UST: variants seen among roughly 807,000 people sequenced by gnomAD.
UST encodes uronyl 2-sulfotransferase.
In UST, 21 loss-of-function variants were observed where a neutral mutation model predicts 45.6. The ratio of observed to expected loss-of-function variants is 0.46; its 90% CI spans 0.33 to 0.66. UST has a LOEUF of 0.66. Among genes scored for constraint, UST ranks in the 30% least tolerant of loss-of-function variants. The pLI, the probability that UST is intolerant of heterozygous loss-of-function variation, is 0.02. For missense variants in UST, 463 were observed against 512.4 expected (o/e 0.90, Z 0.93); for synonymous variants, 215 against 200.6 (o/e 1.07, Z -0.61).
At chr6:148,925,396 A>C (rs78809050) in intron 2 of UST, among the ~76,000 whole-genome samples, 2 of 152,206 alleles carry the variant, frequency 1.3e-5, no homozygotes, top group Non-Finnish European at 2.9e-5. Flanking sequence ...GGACGAATGC[A>C]GATGAAGGAC....
chr6:148,760,227 G>A (rs960132323), intron 1 of UST, among the ~76,000 whole-genome samples: 1 of 152,174 alleles, frequency 6.6e-6, no homozygotes, highest in African/African-American at 2.4e-5. Flanking sequence ...ATTAGGGGAA[G>A]CAGAATGTCC....
At chr6:149,015,229 G>T (rs1049866053) in intron 5 of UST, among the ~76,000 whole-genome samples, 7 of 152,150 alleles carry the variant, frequency 4.6e-5, no homozygotes, top group African/African-American at 1.7e-4. Context: ...GGAAAAAGAC[G>T]AGCCCACAAA....
At chr6:148,780,025 T>G (rs867219727) in intron 1 of UST, among the ~76,000 whole-genome samples, 3 of 151,864 alleles carry the variant, frequency 2.0e-5, no homozygotes, top group African/African-American at 7.3e-5. Context: ...TATAGATCAG[T>G]GAGGTATTAT....
chr6:149,000,235 G>C (rs1327331997), intron 5 of UST, among the ~76,000 whole-genome samples: 1 of 152,192 alleles, frequency 6.6e-6, no homozygotes, highest in Admixed American at 6.5e-5. Flanking sequence ...GCCCTTATAA[G>C]AGGCTAGAGA....
chr6:148,916,832 A>C (rs1018884174), intron 2 of UST, among the ~76,000 whole-genome samples: 4 of 152,232 alleles, frequency 2.6e-5, no homozygotes, highest in Non-Finnish European at 5.9e-5. Flanking sequence ...GCTGAGATGC[A>C]TGGATAAGCC....
At chr6:148,888,469 AACACTGACGCTGCC>A (rs1778952012) in intron 2 of UST, among the ~76,000 whole-genome samples, 1 of 152,224 alleles carries the variant, frequency 6.6e-6, no homozygotes, top group Non-Finnish European at 1.5e-5. Context: ...TTCTGGATTC[AACACTGACGCTGCC>A]ACTTTCTAGC....
At chr6:148,837,576 T>C (rs528908508) in intron 1 of UST, among the ~76,000 whole-genome samples, 1 of 152,282 alleles carries the variant, frequency 6.6e-6, no homozygotes, top group South Asian at 2.1e-4. Flanking sequence ...GGAATTGCAG[T>C]GGAAAAATAT....
intron 5 of UST, among the ~76,000 whole-genome samples, chr6:149,017,234 G>A (rs541934112): frequency 4.0e-4 from 61 of 152,118 alleles, no homozygotes; most frequent in African/African-American, 1.4e-3. Flanking sequence ...AAAATTAGCC[G>A]GGTGTGGTGG....
intron 7 of UST, among the ~76,000 whole-genome samples, chr6:149,057,556 A>C (rs1478855552): frequency 6.6e-6 from 1 of 152,242 alleles, no homozygotes; most frequent in Non-Finnish European, 1.5e-5. Context: ...AAACAAGCAA[A>C]AAGGCACATG....
chr6:148,864,672 C>T (rs1778391058), intron 1 of UST, among the ~76,000 whole-genome samples: 1 of 152,196 alleles, frequency 6.6e-6, no homozygotes, highest in African/African-American at 2.4e-5. Context: ...AGTTGACGCT[C>T]AATATTAACC....
At chr6:148,867,682 T>A (rs150493603) in intron 1 of UST, among the ~76,000 whole-genome samples, 41 of 152,298 alleles carry the variant, frequency 2.7e-4, no homozygotes, top group South Asian at 8.3e-4. Context: ...CCATGTAAGA[T>A]GTGCCTTTCA....
At chr6:148,897,864 G>A (rs1012154576) in intron 2 of UST, among the ~76,000 whole-genome samples, 9 of 152,142 alleles carry the variant, frequency 5.9e-5, no homozygotes, top group Non-Finnish European at 1.3e-4. Context: ...TAAGAACATT[G>A]AGGTCTTGTA....
At chr6:148,903,892 G>C (rs1779308924) in intron 2 of UST, among the ~76,000 whole-genome samples, 1 of 152,198 alleles carries the variant, frequency 6.6e-6, no homozygotes, top group African/African-American at 2.4e-5. Flanking sequence ...GAATATAACA[G>C]TGTCTTGTGC....
intron 5 of UST, among the ~76,000 whole-genome samples, chr6:149,013,751 C>A (rs1458730141): frequency 6.6e-6 from 1 of 152,140 alleles, no homozygotes; most frequent in Non-Finnish European, 1.5e-5. Flanking sequence ...AAGGATTCTG[C>A]TATTGAAAGC....
rs1294833017 is a variant in UST at position 148,996,162 on chromosome 6, TAAGA to T, written c.682-22972_682-22969del. 3.9e-5 allele frequency among the ~76,000 whole-genome samples: 6 copies of T among 152,178 alleles called. No homozygotes were observed. The East Asian group carries it at 1.2e-3, about 29-fold the overall frequency. On this transcript the variant is annotated intron_variant, in intron 5 of 7. Transcript: ENST00000367463. Reference sequence around the variant, plus strand: ...CTCTGGCTTTGAAAACTGTTCATGATAAGAAAGAGGAAGAGAAAGAGCCCCTCCT... The same window carrying T: ...CTCTGGCTTTGAAAACTGTTCATGATAAGAGGAAGAGAAAGAGCCCCTCCT...
At chr6:148,872,841 A>G (rs901175579) in intron 1 of UST, among the ~76,000 whole-genome samples, 1 of 152,080 alleles carries the variant, frequency 6.6e-6, no homozygotes, top group African/African-American at 2.4e-5. Context: ...TCCCACTCTG[A>G]CTGTCTTGCC....
At chr6:149,033,742 C>T (rs112637991) in intron 7 of UST, among the ~76,000 whole-genome samples, 457 of 152,334 alleles carry the variant, frequency 3.0e-3, no homozygotes, top group Middle Eastern at 0.01. Context: ...CATTGTCAAC[C>T]AGACTCTACC....
At chr6:149,073,145 G>T (rs1215045853) in intron 7 of UST, among the ~76,000 whole-genome samples, 1 of 152,024 alleles carries the variant, frequency 6.6e-6, no homozygotes, top group African/African-American at 2.4e-5. Context: ...AAATTTACAA[G>T]GGTTAAAATT....
chr6:148,979,327 G>T (rs1310472508), intron 5 of UST, among the ~76,000 whole-genome samples: 1 of 152,196 alleles, frequency 6.6e-6, no homozygotes, highest in Non-Finnish European at 1.5e-5. Flanking sequence ...ACAAAGGAAA[G>T]ATGAAAAACA....
Sources: gnomAD v4.1 joint callset for allele counts (sites outside exome capture counted in the v4.1 genomes callset) on GRCh38, gnomAD v4.1.1 for gene constraint, MANE v1.5 for transcripts, NCBI Gene and HGNC (gene_info 2026-07-23, HGNC 2026-07-21) for gene names.